Variants in ABCA3 observed in about 807,000 individuals in gnomAD.
The protein encoded by ABCA3 is phospholipid-transporting ATPase ABCA3.
Under a neutral mutation model 172.8 loss-of-function variants are expected in ABCA3, and 88 were observed. That is an observed-to-expected ratio of 0.51 (90% CI 0.43 to 0.61). ABCA3 has a LOEUF of 0.61. Among genes scored for constraint, ABCA3 ranks in the 20% least tolerant of loss-of-function variants. The pLI is 0.00. For synonymous variants in ABCA3, 1,066 were observed against 983.8 expected, an observed-to-expected ratio of 1.08 and a Z score of -1.56; for missense variants, 2,164 against 2,301.0, an observed-to-expected ratio of 0.94 and a Z score of 1.22.
chr16:2,288,309 T>C lies in ABCA3; in HGVS notation c.2721A>G (p.Gln907=), dbSNP rs751422530. Residue 907 remains glutamine (Q), a synonymous_variant, in exon 21 of 33, where the codon CAA becomes CAG. Coordinates refer to ENST00000301732, the MANE Select transcript of ABCA3 (RefSeq NM_001089.3). ...LNTGLALHCQ[Q]FWAMFLKKAA... is the part of the protein sequence containing the mutation. Reference sequence around the variant, plus strand: ...CCTTCTTCAGGAACATGGCCCAGAATTGCTGGCAGTGCAGGGCGAGCTGCG... The same window carrying C: ...CCTTCTTCAGGAACATGGCCCAGAACTGCTGGCAGTGCAGGGCGAGCTGCG... 6.4e-6 allele frequency: 10 copies of C among 1,564,864 alleles called. No individual in the cohort carries two copies. Among genetic ancestry groups the C allele is most frequent in the Admixed American group, 1.9e-5 (1 of 53,858 alleles).
chr16:2,292,350 A>T (rs1030232823), intron 18 of ABCA3, 112 bp from the exon 19 acceptor site: 7 of 885,344 alleles, frequency 7.9e-6, no homozygotes, highest in Middle Eastern at 2.2e-4. Context: ...CTGTAACCCC[A>T]GCACTTTGGG....
At chr16:2,335,960 C>G (rs1401492132) in intron 1 of ABCA3, among the ~76,000 whole-genome samples, 1 of 152,142 alleles carries the variant, frequency 6.6e-6, no homozygotes, top group Non-Finnish European at 1.5e-5. Context: ...GTGAAAAGTT[C>G]CAAATCCGGA....
chr16:2,340,061 G>A (rs888290893), intron 1 of ABCA3, among the ~76,000 whole-genome samples: 1 of 152,242 alleles, frequency 6.6e-6, no homozygotes, highest in South Asian at 2.1e-4. Context: ...GAGGCTCCTC[G>A]GAACCAGAGG....
rs913871304 is a variant in ABCA3 at position 2,304,085 on chromosome 16, G to T, written c.1351C>A (p.Gln451Lys). 3 of 1,614,048 alleles carry T rather than the reference G, an allele frequency of 1.9e-6. No homozygotes were observed. The Admixed American group carries it at 5.0e-5, about 27-fold the overall frequency. ...VNVDDDFCFG[Q>K]VLGMLLLDSV... ...TCCAGCAGCAGCATCCCCAGCACCT[G>T]CCCGAAGCAGAAGTCGTCGTCCACG... The change falls in exon 12 of 33, where the codon CAG becomes AAG. Residue 451 changes from glutamine to lysine, a missense_variant. Physicochemically the swap from Gln to Lys is moderately conservative, Grantham distance 53. This residue lies in a region of ABCA3 where 1,343 missense variants were observed against 1,369.6 expected (regional missense o/e 0.98). Coordinates refer to ENST00000301732, the MANE Select transcript of ABCA3 (RefSeq NM_001089.3).
At chr16:2,334,398 T>C (rs1336197923) in intron 1 of ABCA3, among the ~76,000 whole-genome samples, 3 of 152,198 alleles carry the variant, frequency 2.0e-5, no homozygotes, top group African/African-American at 7.2e-5. Context: ...TGAGGGTGAC[T>C]GGTTTTGTTT....
At chr16:2,314,392 T>A (rs567703322) in intron 10 of ABCA3, among the ~76,000 whole-genome samples, 1 of 150,956 alleles carries the variant, frequency 6.6e-6, no homozygotes, top group East Asian at 2.0e-4. Flanking sequence ...CGATTCCTCT[T>A]ACATGAAGTC....
chr16:2,303,833 G>A, intron 12 of ABCA3, 136 bp downstream of exon 12: 1 of 989,078 alleles, frequency 1.0e-6, no homozygotes, highest in Non-Finnish European at 1.6e-6. Flanking sequence ...CACTCCCTGT[G>A]CACAGGGCAG....
chr16:2,332,883 C>T (rs1396852655), intron 1 of ABCA3, among the ~76,000 whole-genome samples: 8 of 152,004 alleles, frequency 5.3e-5, no homozygotes, highest in African/African-American at 1.2e-4. Context: ...CAGGGCTCAT[C>T]GCAGCCTGGT....
chr16:2,300,994 G>T (rs908832534), intron 12 of ABCA3, among the ~76,000 whole-genome samples: 19 of 152,026 alleles, frequency 1.2e-4, no homozygotes, highest in Non-Finnish European at 2.2e-4. Context: ...ACTTTGGGAG[G>T]CCGAGGCGGG....
In ABCA3 at chr16:2,289,630, T is replaced by C; in HGVS notation, c.2514-10A>G. The stretch of plus-strand genomic sequence containing the variant: ...CACCAGCTTCCCGACCCTGTGCCGA[T>C]ACACACAGGGACCGGTCAGGACCCA... On this transcript the variant is annotated splice_polypyrimidine_tract_variant and intron_variant, in intron 19 of 32. Transcript: ENST00000301732. 6.5e-7 allele frequency: 1 copy of C among 1,548,098 alleles called. No homozygotes were observed. Among genetic ancestry groups the C allele is most frequent in the Non-Finnish European group, 8.7e-7 (1 of 1,147,130 alleles).
intron 10 of ABCA3, among the ~76,000 whole-genome samples, chr16:2,314,633 G>A (rs1000758524): frequency 6.6e-6 from 1 of 151,666 alleles, no homozygotes; most frequent in Non-Finnish European, 1.5e-5. Context: ...CTGGAGTGCA[G>A]TGGCATGATC....
intron 5 of ABCA3, among the ~76,000 whole-genome samples, chr16:2,325,490 T>A (rs914668732): frequency 6.6e-6 from 1 of 152,218 alleles, no homozygotes; most frequent in African/African-American, 2.4e-5. Flanking sequence ...AGAGATTTGA[T>A]GCTAGATGGG....
Position 2,326,083 on chromosome 16 carries a change from G to A in ABCA3, c.246C>T (p.Tyr82=), listed in dbSNP as rs2093733820. 1 of 1,614,162 alleles carries A rather than the reference G, an allele frequency of 6.2e-7. No individual in the cohort carries two copies. ...PPPGDTWELA[Y]IPSHSDAAKT... ...TGGCAGCGTCACTGTGAGAAGGGAT[G>A]TAGGCAAGCTCCCAGGTGTCTCCTG... Residue 82 remains tyrosine (Y), a synonymous_variant, in exon 5 of 33, where the codon TAC becomes TAT. Transcript: ENST00000301732.
intron 19 of ABCA3, 93 bp from the exon 20 acceptor site, chr16:2,289,713 T>G: frequency 7.2e-7 from 1 of 1,386,690 alleles, no homozygotes; most frequent in East Asian, 2.5e-5. Flanking sequence ...GGAGCAGTGT[T>G]GCCGCAGTCC....
intron 1 of ABCA3, among the ~76,000 whole-genome samples, chr16:2,333,449 GGGA>G (rs1275130833): frequency 6.6e-6 from 1 of 152,126 alleles, no homozygotes; most frequent in African/African-American, 2.4e-5. Flanking sequence ...TTTCCTTCAG[GGGA>G]GGACCCAACA....
intron 1 of ABCA3, among the ~76,000 whole-genome samples, chr16:2,335,653 A>T (rs2093750621): frequency 6.6e-6 from 1 of 152,180 alleles, no homozygotes; most frequent in African/African-American, 2.4e-5. Flanking sequence ...CTGACTGAGG[A>T]GGAGGCACCC....
intron 14 of ABCA3, 70 bp downstream of exon 14, chr16:2,299,333 G>T: frequency 6.3e-7 from 1 of 1,599,410 alleles, no homozygotes; most frequent in Non-Finnish European, 8.5e-7. Context: ...GGAGTGAGGC[G>T]GGGCTGGCGC....
At chr16:2,316,331 G>T (rs9923852) in intron 10 of ABCA3, among the ~76,000 whole-genome samples, 14,453 of 96,216 alleles carry the variant, frequency 0.15, 952 homozygotes, top group East Asian at 0.4. Context: ...AAAGAAAAAA[G>T]AAAAGAAAAA....
intron 1 of ABCA3, chr16:2,332,816 C>CTTT: frequency 2.1e-6 from 1 of 477,832 alleles, no homozygotes; most frequent in East Asian, 3.7e-5. Flanking sequence ...CCTATGTGCC[C>CTTT]TTTTTTTTTT....
Sources: gnomAD v4.1 joint callset for allele counts (sites outside exome capture counted in the v4.1 genomes callset) on GRCh38, gnomAD v4.1.1 for gene constraint, gnomAD v4.1.1 regional missense constraint, MANE v1.5 for transcripts, NCBI Gene and HGNC (gene_info 2026-07-23, HGNC 2026-07-21) for gene names.